Variants in DOCK3 observed in about 807,000 individuals in gnomAD.
DOCK3 encodes the protein dedicator of cytokinesis 3, also known as dedicator of cytokinesis protein 3.
A neutral mutation model predicts 265.6 loss-of-function variants in DOCK3; 60 were observed. The observed-to-expected ratio is 0.23, with a 90% CI of 0.18 to 0.28. The LOEUF (loss-of-function observed/expected upper bound fraction) is 0.28, where lower values mean the gene tolerates loss of function less well. Among genes scored for constraint, DOCK3 ranks in the 10% least tolerant of loss-of-function variants. DOCK3 has a pLI of 1.00. For synonymous variants in DOCK3, 881 were observed against 938.0 expected (o/e 0.94, Z 1.11); for missense variants, 1,981 against 2,594.3 (o/e 0.76, Z 5.14).
At chr3:51,206,424 G>A (rs1255828054) in intron 12 of DOCK3, among the ~76,000 whole-genome samples, 6 of 152,140 alleles carry the variant, frequency 3.9e-5, no homozygotes, top group Admixed American at 6.5e-5. Flanking sequence ...AATATAATAG[G>A]TATTCTTCTA....
In DOCK3 at chr3:51,233,515, G is replaced by A. The variant is rs531258443; in HGVS notation, c.1918-2830G>A. Among the ~76,000 whole-genome samples the A allele has an allele frequency of 3.3e-5, 5 of 152,224 alleles. No homozygotes were observed. In the South Asian group the frequency reaches 1.0e-3, roughly 32 times the overall value. On this transcript the variant is annotated intron_variant, in intron 19 of 52. Coordinates refer to ENST00000266037, the MANE Select transcript of DOCK3 (RefSeq NM_004947.5). ...CAAGTAGCTGGGATTACAGGCATGT[G>A]CCACCACGCCTGGCTAATTTTTTTT...
At chr3:51,208,947 G>T (rs192767721) in intron 13 of DOCK3, 85 bp downstream of exon 13, 4 of 1,179,500 alleles carry the variant, frequency 3.4e-6, no homozygotes, top group Non-Finnish European at 4.9e-6. Context: ...GTGCAGATTG[G>T]CTGCTGTATT....
At chr3:50,754,968 A>G (rs6789273) in intron 1 of DOCK3, among the ~76,000 whole-genome samples, 145,305 of 152,294 alleles carry the variant, frequency 0.95, 69,742 homozygotes, top group East Asian at 1. Context: ...ATATATAAGT[A>G]TTTTTTAAGT....
rs2087555634 is a variant in DOCK3, at chr3:51,370,021, A to G, written c.5294-4448A>G. Among the ~76,000 whole-genome samples the G allele has an allele frequency of 4.6e-5, 7 of 152,352 alleles. No individual in the cohort carries two copies. The South Asian group carries it at 1.4e-3, about 32-fold the overall frequency. ...TTTGAAAGCAGACATTTCTAGTACT[A>G]AATAGGACAAATGAACCAAAAGATC... On this transcript the variant is annotated intron_variant, in intron 49 of 52. Coordinates refer to ENST00000266037, the MANE Select transcript of DOCK3 (RefSeq NM_004947.5).
chr3:50,825,400 A>G (rs932371700), intron 2 of DOCK3, among the ~76,000 whole-genome samples: 41 of 152,202 alleles, frequency 2.7e-4, no homozygotes, highest in African/African-American at 8.7e-4. Flanking sequence ...CAAAAGGCAT[A>G]ATGACTTTTA....
chr3:51,357,692 C>A, intron 44 of DOCK3, 66 bp from the exon 45 acceptor site: 1 of 1,549,420 alleles, frequency 6.5e-7, no homozygotes, highest in Non-Finnish European at 8.9e-7. Context: ...GGACTCAAGT[C>A]TCCTGGGCCC....
intron 5 of DOCK3, among the ~76,000 whole-genome samples, chr3:50,999,619 A>T (rs2108676863): frequency 6.6e-6 from 1 of 152,272 alleles, no homozygotes; most frequent in South Asian, 2.1e-4. Context: ...GGTACTCAGG[A>T]TTCACATATC....
At chr3:50,803,645 G>A (rs916630079) in intron 2 of DOCK3, among the ~76,000 whole-genome samples, 6 of 151,656 alleles carry the variant, frequency 4.0e-5, no homozygotes, top group African/African-American at 7.3e-5. Context: ...CCCAGACAGC[G>A]TGGCTGGGCA....
intron 9 of DOCK3, among the ~76,000 whole-genome samples, chr3:51,111,426 A>G (rs2083512707): frequency 6.6e-6 from 1 of 152,224 alleles, no homozygotes; most frequent in Non-Finnish European, 1.5e-5. Context: ...AAATAAGGCT[A>G]TACACCTACA....
At chr3:50,854,591 A>ATTTTTTTTTTTTTTTTTTTTTTTTT (rs1559726991) in intron 3 of DOCK3, among the ~76,000 whole-genome samples, 1 of 4,314 alleles carries the variant, frequency 2.3e-4, no homozygotes, top group African/African-American at 4.3e-4. Flanking sequence ...CCATCACACC[A>ATTTTTTTTTTTTTTTTTTTTTTTTT]GTTTTTTTTT....
At position 51,361,711 on chromosome 3, in the gene DOCK3, C is replaced by A; in HGVS notation, c.5007-148C>A. ...GGGTACAGCTCAGGACTGCTCCAGG[C>A]CTCAGATGGGTATGAGCATTGACTA... On this transcript the variant is annotated intron_variant, in intron 47 of 52. Transcript: ENST00000266037. The surrounding 1 kb of genome is among the most constrained non-coding windows in gnomAD (Gnocchi z 4.2). 2.0e-5 allele frequency: 22 copies of A among 1,083,294 alleles called. No individual in the cohort carries two copies. The highest frequency in any genetic ancestry group is 2.7e-5 in the Non-Finnish European group (21 of 768,516). 67.1% of individuals were successfully genotyped at this position (1,083,294 alleles called of 1,614,324 possible).
At chr3:51,080,159 G>A (rs1575996846) in intron 7 of DOCK3, among the ~76,000 whole-genome samples, 1 of 152,076 alleles carries the variant, frequency 6.6e-6, no homozygotes, top group Non-Finnish European at 1.5e-5. Context: ...CTATATAGCA[G>A]GCAATTAATT....
chr3:50,837,774 G>A (rs2045593795), intron 2 of DOCK3, among the ~76,000 whole-genome samples: 1 of 152,210 alleles, frequency 6.6e-6, no homozygotes, highest in African/African-American at 2.4e-5. Context: ...TACTCTGGGT[G>A]GAAGGGGTTT....
At chr3:50,969,340 C>A (rs1212179854) in intron 5 of DOCK3, among the ~76,000 whole-genome samples, 1 of 152,106 alleles carries the variant, frequency 6.6e-6, no homozygotes. Flanking sequence ...TCCCTTTCCA[C>A]CCCTTTACAT....
chr3:50,795,190 A>G (rs1249191607), intron 2 of DOCK3, among the ~76,000 whole-genome samples: 1 of 152,002 alleles, frequency 6.6e-6, no homozygotes, highest in African/African-American at 2.4e-5. Flanking sequence ...ACTTTGGAGA[A>G]TCTGATGATT....
At position 51,227,071 on chromosome 3, in the gene DOCK3, C is replaced by G. The variant is rs551232664; in HGVS notation, c.1378-212C>G. On this transcript the variant is annotated intron_variant, in intron 15 of 52. Coordinates refer to ENST00000266037, the MANE Select transcript of DOCK3 (RefSeq NM_004947.5). ...GTGGTTACGTTCACCCCAAGGAAAA[C>G]AAGGAGCATTGTGACTGCTGATTTC... 2.6e-5 allele frequency among the ~76,000 whole-genome samples: 4 copies of G among 152,302 alleles called. No homozygotes were observed. The East Asian group carries it at 7.7e-4, about 29-fold the overall frequency.
At chr3:51,308,985 G>A (rs1345520203) in intron 27 of DOCK3, among the ~76,000 whole-genome samples, 3 of 151,906 alleles carry the variant, frequency 2.0e-5, no homozygotes, top group Non-Finnish European at 2.9e-5. Flanking sequence ...CATCCCAGAC[G>A]GGGCGGCGGG....
At chr3:50,768,845 T>C (rs1251441233) in intron 1 of DOCK3, among the ~76,000 whole-genome samples, 1 of 152,246 alleles carries the variant, frequency 6.6e-6, no homozygotes, top group Non-Finnish European at 1.5e-5. Context: ...TTGTCCTGAA[T>C]GGCTGTACTG....
intron 9 of DOCK3, among the ~76,000 whole-genome samples, chr3:51,101,103 C>T (rs1576077469): frequency 1.4e-5 from 2 of 140,670 alleles, no homozygotes; most frequent in East Asian, 2.1e-4. Context: ...CCATGCTCGG[C>T]TTAGTCTTTC....
Sources: gnomAD v4.1 joint callset for allele counts (sites outside exome capture counted in the v4.1 genomes callset) on GRCh38, gnomAD v4.1.1 for gene constraint, Gnocchi (gnomAD v3.1) non-coding constraint, MANE v1.5 for transcripts, NCBI Gene and HGNC (gene_info 2026-07-23, HGNC 2026-07-21) for gene names.